LAMA2: variants seen among roughly 807,000 people sequenced by gnomAD.
The protein encoded by LAMA2 is laminin subunit alpha-2.
Under a neutral mutation model 364.8 loss-of-function variants are expected in LAMA2, and 269 were observed. That is an observed-to-expected ratio of 0.74 (90% CI 0.67 to 0.82). The LOEUF is 0.82. Among genes scored for constraint, LAMA2 ranks in the 40% least tolerant of loss-of-function variants. LAMA2 has a pLI of 0.00. For missense variants in LAMA2, 3,807 were observed against 3,873.2 expected, an observed-to-expected ratio of 0.98 and a Z score of 0.45; for synonymous variants, 1,379 against 1,370.6, an observed-to-expected ratio of 1.01 and a Z score of -0.14.
rs1458804892 is a variant in LAMA2, at chr6:129,416,085, A to G, written c.5866-11667A>G. On this transcript the variant is annotated intron_variant, in intron 40 of 64. Coordinates refer to ENST00000421865, the MANE Select transcript of LAMA2 (RefSeq NM_000426.4). ...TGCCTCAGCCTCCCAAGTAGCTGGG[A>G]CTACAGGCGCCCGCCACTACGCCCG... 3.3e-5 allele frequency among the ~76,000 whole-genome samples: 3 copies of G among 91,532 alleles called. 1 individual carries two copies. Among genetic ancestry groups the G allele is most frequent in the African/African-American group, 1.1e-4 (2 of 18,894 alleles). 60.0% of individuals were successfully genotyped at this position (91,532 alleles called of 152,430 possible). A position where few individuals can be genotyped will look rare whatever the true frequency, so the allele number is the denominator to read the frequency against.
At chr6:129,360,332 T>A (rs377303174) in intron 32 of LAMA2, among the ~76,000 whole-genome samples, 1 of 152,300 alleles carries the variant, frequency 6.6e-6, no homozygotes, top group East Asian at 1.9e-4. Flanking sequence ...CCATTTCCAA[T>A]GTTTGTTGCC....
chr6:128,995,392 G>A (rs536113184), intron 1 of LAMA2, among the ~76,000 whole-genome samples: 4 of 152,294 alleles, frequency 2.6e-5, no homozygotes, highest in Admixed American at 2.6e-4. Context: ...CACGATCTCG[G>A]CTCACTGCAA....
chr6:129,384,499 T>A (rs542195526), intron 35 of LAMA2, among the ~76,000 whole-genome samples: 14 of 152,198 alleles, frequency 9.2e-5, no homozygotes, highest in Non-Finnish European at 1.5e-4. Flanking sequence ...AATGCTAGCA[T>A]ATGTTTTAGT....
At chr6:129,076,996 AAGTT>A (rs1395471312) in intron 3 of LAMA2, among the ~76,000 whole-genome samples, 3 of 152,158 alleles carry the variant, frequency 2.0e-5, no homozygotes, top group African/African-American at 7.2e-5. Context: ...CTAATATAAT[AAGTT>A]AGGTTCAGGT....
At chr6:129,208,817 A>G (rs959460730) in intron 12 of LAMA2, among the ~76,000 whole-genome samples, 2 of 152,154 alleles carry the variant, frequency 1.3e-5, no homozygotes, top group African/African-American at 4.8e-5. Flanking sequence ...TAAATGCAGC[A>G]GGAAAGGAAA....
intron 3 of LAMA2, among the ~76,000 whole-genome samples, chr6:129,060,437 A>T (rs1788816362): frequency 6.6e-6 from 1 of 152,232 alleles, no homozygotes; most frequent in Non-Finnish European, 1.5e-5. Flanking sequence ...TTTGTCTTGC[A>T]TAGGCCTGGG....
chr6:129,059,260 T>G (rs1345277837), intron 2 of LAMA2, among the ~76,000 whole-genome samples: 1 of 152,210 alleles, frequency 6.6e-6, no homozygotes, highest in Admixed American at 6.5e-5. Flanking sequence ...TAGAATGAAT[T>G]TAACAGCATT....
At chr6:129,172,757 G>T (rs928363144) in intron 9 of LAMA2, among the ~76,000 whole-genome samples, 13 of 152,096 alleles carry the variant, frequency 8.5e-5, no homozygotes, top group Admixed American at 3.3e-4. Context: ...CAATGGCGGC[G>T]CCCCTCCCCC....
At chr6:129,407,275 C>T (rs150041281) in intron 40 of LAMA2, among the ~76,000 whole-genome samples, 1 of 152,056 alleles carries the variant, frequency 6.6e-6, no homozygotes, top group African/African-American at 2.4e-5. Context: ...CATCACAAGT[C>T]CACCCCTTGT....
intron 62 of LAMA2, among the ~76,000 whole-genome samples, chr6:129,511,003 T>C (rs1161057846): frequency 6.6e-6 from 1 of 152,128 alleles, no homozygotes; most frequent in Non-Finnish European, 1.5e-5. Flanking sequence ...TATGACAAGT[T>C]TCAGCTTCAG....
intron 12 of LAMA2, among the ~76,000 whole-genome samples, chr6:129,217,228 G>A (rs115801167): frequency 0.023 from 3,493 of 151,842 alleles, 149 homozygotes; most frequent in African/African-American, 0.078. Flanking sequence ...AATACAAGGA[G>A]TGTGTTTTGA....
chr6:129,362,039 C>T (rs1777495159), intron 32 of LAMA2, among the ~76,000 whole-genome samples: 1 of 151,884 alleles, frequency 6.6e-6, no homozygotes, highest in African/African-American at 2.4e-5. Context: ...CCATCTCAAG[C>T]CTCCCATACT....
At chr6:129,407,427 C>CT (rs1237508042) in intron 40 of LAMA2, among the ~76,000 whole-genome samples, 1 of 152,138 alleles carries the variant, frequency 6.6e-6, no homozygotes, top group Non-Finnish European at 1.5e-5. Context: ...AATGCTATTA[C>CT]ATAAAGTTAA....
chr6:129,325,211 C>T (rs1289693765), intron 28 of LAMA2, among the ~76,000 whole-genome samples: 3 of 151,866 alleles, frequency 2.0e-5, no homozygotes, highest in Non-Finnish European at 2.9e-5. Context: ...TAAAGATAGA[C>T]GAGAGCAGAA....
intron 12 of LAMA2, among the ~76,000 whole-genome samples, chr6:129,225,935 G>A (rs1037765762): frequency 6.6e-6 from 1 of 152,172 alleles, no homozygotes; most frequent in African/African-American, 2.4e-5. Flanking sequence ...ACAGTGGGGT[G>A]TTAAAGTCTC....
chr6:129,137,140 G>T (rs1036110083), intron 4 of LAMA2, among the ~76,000 whole-genome samples: 1 of 152,030 alleles, frequency 6.6e-6, no homozygotes, highest in African/African-American at 2.4e-5. Context: ...AAAGAAGGTT[G>T]TGCACAGTTC....
At chr6:129,150,518 T>C (rs1352657616) in intron 7 of LAMA2, among the ~76,000 whole-genome samples, 1 of 152,164 alleles carries the variant, frequency 6.6e-6, no homozygotes, top group Non-Finnish European at 1.5e-5. Flanking sequence ...CCTTTACCAC[T>C]CTTTACTTGT....
intron 17 of LAMA2, among the ~76,000 whole-genome samples, chr6:129,276,279 T>G (rs1335339992): frequency 6.6e-6 from 1 of 152,110 alleles, no homozygotes; most frequent in Admixed American, 6.6e-5. Context: ...CCTGATCCCC[T>G]GTTGTGTATG....
chr6:129,135,580 A>G (rs765284238), intron 4 of LAMA2, among the ~76,000 whole-genome samples: 5 of 152,246 alleles, frequency 3.3e-5, no homozygotes, highest in Non-Finnish European at 4.4e-5. Flanking sequence ...CTGAAATAGC[A>G]ATGAGGTTGG....
Sources: allele counts gnomAD v4.1 joint callset (sites outside exome capture counted in the v4.1 genomes callset), GRCh38; gene constraint gnomAD v4.1.1; transcripts MANE v1.5; gene names NCBI Gene and HGNC (gene_info 2026-07-23, HGNC 2026-07-21).